The following STK40 variants were observed in gnomAD, a reference collection of about 807,000 sequenced individuals.
The protein encoded by STK40 is serine/threonine kinase 40.
STK40 carries 13 observed loss-of-function variants against 47.9 expected under a neutral mutation model. That is an observed-to-expected ratio of 0.27 (90% CI 0.18 to 0.43). STK40 has a LOEUF of 0.43. Among genes scored for constraint, STK40 ranks in the 20% least tolerant of loss-of-function variants. STK40 has a pLI of 1.00. For missense variants in STK40, 460 were observed against 595.1 expected, an observed-to-expected ratio of 0.77 and a Z score of 2.36; for synonymous variants, 225 against 243.2, an observed-to-expected ratio of 0.93 and a Z score of 0.69.
intron 1 of STK40, among the ~76,000 whole-genome samples, chr1:36,363,720 CAGG>C (rs1557517027): frequency 6.7e-6 from 1 of 149,068 alleles, no homozygotes; most frequent in Admixed American, 6.8e-5. Context: ...AAGGCTGAGG[CAGG>C]AGAATAGTGT....
intron 1 of STK40, among the ~76,000 whole-genome samples, chr1:36,376,054 C>T (rs1261645419): frequency 6.6e-6 from 1 of 152,038 alleles, no homozygotes; most frequent in Non-Finnish European, 1.5e-5. Context: ...ACTTTGACAG[C>T]GAGCAATACA....
intron 1 of STK40, among the ~76,000 whole-genome samples, chr1:36,378,765 T>A (rs1647014235): frequency 6.6e-6 from 1 of 152,190 alleles, no homozygotes; most frequent in African/African-American, 2.4e-5. Context: ...CGGGCCTCCT[T>A]TTTTTGCTGG....
chr1:36,358,091 T>A, intron 4 of STK40, 148 bp downstream of exon 4: 1 of 1,006,232 alleles, frequency 9.9e-7, no homozygotes, highest in East Asian at 3.0e-5. Context: ...CCAGCCCATC[T>A]CACCCACCCT....
intron 4 of STK40, among the ~76,000 whole-genome samples, chr1:36,355,779 G>GA (rs2124734476): frequency 6.6e-6 from 1 of 152,306 alleles, no homozygotes; most frequent in African/African-American, 2.4e-5. Context: ...GCAAAAATGG[G>GA]AATCCATGGC....
chr1:36,364,988 C>CTTTTTTTTTTTTTTTTTTTT, intron 1 of STK40, among the ~76,000 whole-genome samples: 1 of 126,924 alleles, frequency 7.9e-6, no homozygotes, highest in Non-Finnish European at 1.7e-5. Flanking sequence ...GGTCCTTATT[C>CTTTTTTTTTTTTTTTTTTTT]TTTTTTTTTT....
chr1:36,378,699 T>C (rs1433135303), intron 1 of STK40, among the ~76,000 whole-genome samples: 1 of 152,192 alleles, frequency 6.6e-6, no homozygotes, highest in East Asian at 1.9e-4. Context: ...ACTCGTGATC[T>C]GCCCGCCTCG....
intron 6 of STK40, among the ~76,000 whole-genome samples, chr1:36,353,258 G>A (rs1433985840): frequency 6.6e-6 from 1 of 152,206 alleles, no homozygotes; most frequent in Non-Finnish European, 1.5e-5. Flanking sequence ...GGGGCGGAGT[G>A]GGGGAGATGT....
chr1:36,341,553 CCAAA>C lies in STK40; in HGVS notation c.*198_*201del, dbSNP rs1246515202. 2.8e-5 allele frequency: 17 copies of C among 606,390 alleles called. No homozygotes were observed. The highest frequency in any genetic ancestry group is 4.9e-5 in the Non-Finnish European group (17 of 345,248). The allele number at this position is 606,390 out of a possible 1,614,324, so 37.6% of individuals were successfully genotyped here. Reference sequence around the variant, plus strand: ...TATCTAGGCTTCTCAGATTTAAAAACCAAACAATCGAGCAATCATCCCAAAAGGT... The same window carrying C: ...TATCTAGGCTTCTCAGATTTAAAAACCAATCGAGCAATCATCCCAAAAGGT... On this transcript the variant is annotated 3_prime_UTR_variant, in exon 11 of 11. Coordinates refer to ENST00000373132, the MANE Select transcript of STK40 (RefSeq NM_001282547.2).
chr1:36,345,914 C>T (rs1241748547), intron 7 of STK40, among the ~76,000 whole-genome samples: 1 of 146,286 alleles, frequency 6.8e-6, no homozygotes, highest in Admixed American at 6.9e-5. Context: ...GACACTGTAC[C>T]CACAAGCTTC....
intron 1 of STK40, among the ~76,000 whole-genome samples, chr1:36,375,823 C>A (rs1414045035): frequency 1.3e-5 from 2 of 152,164 alleles, no homozygotes; most frequent in Non-Finnish European, 2.9e-5. Flanking sequence ...GAGTTTGAGA[C>A]CAGCCTGGCC....
At chr1:36,345,311 T>C (rs1345237826) in intron 7 of STK40, among the ~76,000 whole-genome samples, 1 of 152,216 alleles carries the variant, frequency 6.6e-6, no homozygotes, top group Non-Finnish European at 1.5e-5. Flanking sequence ...GGCAAGCAGT[T>C]TAACCGGGAG....
Position 36,358,783 on chromosome 1 carries a change from T to C in STK40, c.152A>G (p.Gln51Arg), listed in dbSNP as rs1646827656. 6.2e-7 allele frequency: 1 copy of C among 1,614,046 alleles called. No homozygotes were observed. ...CGTGCCATCTTTCCTCGCCAAACAC[T>C]GCACTATGCTTGGCACCGGTGAGTT... The part of the protein sequence containing the change: ...LGNSPVPSIV[Q>R]CLARKDGTDD... The change falls in exon 3 of 11, where the codon CAG becomes CGG. Residue 51 changes from glutamine (Q) to arginine (R), a missense_variant. Gln to Arg is a conservative substitution (Grantham distance 43, BLOSUM62 1). Coordinates refer to ENST00000373132, the MANE Select transcript of STK40 (RefSeq NM_001282547.2).
intron 10 of STK40, 142 bp from the exon 11 acceptor site, chr1:36,342,115 G>T: frequency 1.3e-6 from 1 of 793,104 alleles, no homozygotes; most frequent in South Asian, 1.8e-5. Flanking sequence ...CCTCAAGGCC[G>T]GGGGTGGGAG....
intron 1 of STK40, among the ~76,000 whole-genome samples, chr1:36,382,185 CT>C (rs879333072): frequency 1.1e-3 from 160 of 146,614 alleles, no homozygotes; most frequent in East Asian, 1.2e-3. Context: ...CCCATGTATA[CT>C]TTTTTTTTTT....
At chr1:36,378,452 G>A (rs1647010213) in intron 1 of STK40, among the ~76,000 whole-genome samples, 1 of 151,874 alleles carries the variant, frequency 6.6e-6, no homozygotes. Context: ...CCTGGGAGGT[G>A]GTGGGGCTTT....
At chr1:36,348,679 A>G (rs1231831363) in intron 7 of STK40, 21 bp downstream of exon 7, 6 of 1,584,042 alleles carry the variant, frequency 3.8e-6, no homozygotes, top group Non-Finnish European at 4.3e-6. Context: ...TAGAGGCCCA[A>G]TGTCTGGCAC....
Position 36,341,352 on chromosome 1 carries a change from C to T in STK40, c.*403G>A. On this transcript the variant is annotated 3_prime_UTR_variant, in exon 11 of 11. Coordinates refer to ENST00000373132, the MANE Select transcript of STK40 (RefSeq NM_001282547.2). ...AGCTCGCTCTGGGGCCTGCAGCGAG[C>T]TGCACTTTCAGCTTATTTGGACTGT... 1 of 176,646 alleles carries T rather than the reference C, an allele frequency of 5.7e-6. No homozygotes were observed. Among genetic ancestry groups the T allele is most frequent in the Non-Finnish European group, 1.2e-5 (1 of 81,874 alleles). The allele number at this position is 176,646 out of a possible 1,614,324, so 10.9% of individuals were successfully genotyped here.
intron 1 of STK40, among the ~76,000 whole-genome samples, chr1:36,383,879 T>C (rs1557528735): frequency 6.6e-6 from 1 of 152,016 alleles, no homozygotes; most frequent in East Asian, 1.9e-4. Flanking sequence ...CTCCTCTCCT[T>C]TTAGACTCAG....
intron 1 of STK40, among the ~76,000 whole-genome samples, chr1:36,364,535 T>C (rs1395295287): frequency 6.6e-6 from 1 of 152,252 alleles, no homozygotes; most frequent in Non-Finnish European, 1.5e-5. Flanking sequence ...TTTATGAATT[T>C]CCTTTATATT....
Sources: allele counts gnomAD v4.1 joint callset (sites outside exome capture counted in the v4.1 genomes callset), GRCh38; gene constraint gnomAD v4.1.1; transcripts MANE v1.5; gene names NCBI Gene and HGNC (gene_info 2026-07-23, HGNC 2026-07-21).